Variants in SORBS2 observed in about 807,000 individuals in gnomAD.
SORBS2 encodes the protein sorbin and SH3 domain-containing protein 2.
A neutral mutation model predicts 97.7 loss-of-function variants in SORBS2; 46 were observed. The ratio of observed to expected loss-of-function variants is 0.47; its 90% CI spans 0.37 to 0.60. SORBS2 has a LOEUF of 0.60. Among genes scored for constraint, SORBS2 ranks in the 20% least tolerant of loss-of-function variants. The pLI, the probability that SORBS2 is intolerant of heterozygous loss-of-function variation, is 0.00. For missense variants in SORBS2, 1,316 were observed against 1,282.3 expected (o/e 1.03, Z -0.40); for synonymous variants, 476 against 473.4 (o/e 1.01, Z -0.07).
At chr4:185,638,649 T>C (rs1306340557) in intron 4 of SORBS2, among the ~76,000 whole-genome samples, 1 of 130,218 alleles carries the variant, frequency 7.7e-6, no homozygotes, top group African/African-American at 3.0e-5. Context: ...AGGCAGGTGG[T>C]AAGCCTGGGA....
chr4:185,599,052 A>G (rs1020255664), intron 12 of SORBS2, among the ~76,000 whole-genome samples: 2 of 152,224 alleles, frequency 1.3e-5, no homozygotes, highest in African/African-American at 4.8e-5. Flanking sequence ...TCTCTATGGC[A>G]ACACAAAGCT....
intron 2 of SORBS2, among the ~76,000 whole-genome samples, chr4:185,683,145 T>A (rs1478361338): frequency 6.6e-6 from 1 of 152,228 alleles, no homozygotes; most frequent in Non-Finnish European, 1.5e-5. Context: ...AGAAATCATA[T>A]GCCTAGTGAT....
intron 1 of SORBS2, chr4:185,918,539 G>A (rs1402986081): frequency 6.6e-6 from 1 of 152,186 alleles, no homozygotes; most frequent in Non-Finnish European, 1.5e-5. Context: ...AATGAAGGGT[G>A]AGAGAAAACT....
chr4:185,595,559 T>C (rs2096064520), intron 12 of SORBS2, among the ~76,000 whole-genome samples: 2 of 152,174 alleles, frequency 1.3e-5, no homozygotes, highest in Non-Finnish European at 2.9e-5. Flanking sequence ...TTTATATATG[T>C]ATAAAACTTT....
At chr4:185,940,902 C>T (rs1400033586) in intron 1 of SORBS2, among the ~76,000 whole-genome samples, 2 of 152,110 alleles carry the variant, frequency 1.3e-5, no homozygotes, top group Non-Finnish European at 2.9e-5. Flanking sequence ...ACTTTTGCCT[C>T]CCTAGGGGCA....
chr4:185,849,477 T>TTC (rs2099216542), intron 1 of SORBS2, among the ~76,000 whole-genome samples: 1 of 151,778 alleles, frequency 6.6e-6, no homozygotes, highest in Non-Finnish European at 1.5e-5. Context: ...CCCTGCCATT[T>TTC]TTTTTTTTTT....
At chr4:185,683,566 C>T (rs924375282) in intron 2 of SORBS2, among the ~76,000 whole-genome samples, 2 of 152,072 alleles carry the variant, frequency 1.3e-5, no homozygotes, top group African/African-American at 2.4e-5. Context: ...TATGTTCATA[C>T]GTGCATGAGC....
At chr4:185,728,957 T>C (rs540645097) in intron 2 of SORBS2, among the ~76,000 whole-genome samples, 11 of 152,374 alleles carry the variant, frequency 7.2e-5, no homozygotes, top group Admixed American at 4.6e-4. Flanking sequence ...GAAGAATGAA[T>C]GAAGTCAGCC....
intron 1 of SORBS2, among the ~76,000 whole-genome samples, chr4:185,844,557 GA>G (rs1354232069): frequency 6.6e-6 from 1 of 152,186 alleles, no homozygotes. Flanking sequence ...ACAGTTTCAT[GA>G]TTCCACAATA....
chr4:185,684,030 C>T lies in SORBS2; in HGVS notation c.-197-5208G>A, dbSNP rs996823723. Among the ~76,000 whole-genome samples the T allele has an allele frequency of 6.6e-6, 1 of 151,738 alleles. No individual in the cohort carries two copies. The highest frequency in any genetic ancestry group is 2.4e-5 in the African/African-American group (1 of 41,270). On this transcript the variant is annotated intron_variant, in intron 2 of 20. Transcript: ENST00000284776. This position sits in a 1 kb window ranked among gnomAD's most constrained non-coding sequence, Gnocchi z 4.2. ...ACCAGCCAACCAACCAACCAACCCA[C>T]CAACCAACCCATCACCAACAGGTGT...
upstream of SORBS2, among the ~76,000 whole-genome samples, chr4:185,658,116 T>A (rs1201154029): frequency 1.3e-5 from 2 of 152,154 alleles, no homozygotes; most frequent in Non-Finnish European, 2.9e-5. Flanking sequence ...TTCATAAAAA[T>A]GAAGCAAAAC....
intron 2 of SORBS2, among the ~76,000 whole-genome samples, chr4:185,697,489 A>G (rs2098193716): frequency 6.6e-6 from 1 of 152,202 alleles, no homozygotes; most frequent in Admixed American, 6.5e-5. Flanking sequence ...CATTGCCATG[A>G]ACAAGAGAAA....
intron 1 of SORBS2, among the ~76,000 whole-genome samples, chr4:185,809,455 CAAA>C (rs55713465): frequency 0.083 from 3,881 of 46,680 alleles, 21 homozygotes; most frequent in Middle Eastern, 0.19. Context: ...ACTGCATTTG[CAAA>C]AAAAAAAAAA....
At chr4:185,947,324 A>G (rs1485692964) in intron 1 of SORBS2, among the ~76,000 whole-genome samples, 2 of 152,180 alleles carry the variant, frequency 1.3e-5, no homozygotes, top group South Asian at 2.1e-4. Flanking sequence ...TTCTTCTCAT[A>G]TTTTAATTTC....
intron 2 of SORBS2, among the ~76,000 whole-genome samples, chr4:185,769,083 G>GAA (rs201639277): frequency 7.2e-6 from 1 of 138,074 alleles, no homozygotes; most frequent in African/African-American, 2.8e-5. Flanking sequence ...TAGTACCAGG[G>GAA]AAAAAAAAAA....
intron 2 of SORBS2, among the ~76,000 whole-genome samples, chr4:185,709,276 T>C (rs1386097017): frequency 2.7e-5 from 4 of 145,844 alleles, no homozygotes; most frequent in Non-Finnish European, 3.0e-5. Flanking sequence ...GCTGGGATTA[T>C]AGGCATGAGC....
intron 1 of SORBS2, among the ~76,000 whole-genome samples, chr4:185,820,545 G>T (rs934240339): frequency 2.0e-5 from 3 of 152,174 alleles, no homozygotes; most frequent in Non-Finnish European, 1.5e-5. Flanking sequence ...CTGCAGTTGG[G>T]GAAGGAGTAG....
intron 2 of SORBS2, among the ~76,000 whole-genome samples, chr4:185,703,165 G>A (rs1038282379): frequency 6.6e-6 from 1 of 152,164 alleles, no homozygotes; most frequent in Non-Finnish European, 1.5e-5. Context: ...ATTATCTCCA[G>A]TGCCCTACCC....
chr4:185,608,508 A>AAAT (rs1441440937), intron 12 of SORBS2, among the ~76,000 whole-genome samples: 2 of 107,216 alleles, frequency 1.9e-5, no homozygotes, highest in Non-Finnish European at 3.9e-5. Context: ...TCTGAAGTAA[A>AAAT]ATATACTTAC....
Sources: allele counts gnomAD v4.1 joint callset (sites outside exome capture counted in the v4.1 genomes callset), GRCh38; gene constraint gnomAD v4.1.1; non-coding constraint Gnocchi (gnomAD v3.1); transcripts MANE v1.5; gene names NCBI Gene and HGNC (gene_info 2026-07-23, HGNC 2026-07-21).